Variants in SMC1B observed in about 807,000 individuals in gnomAD.
The protein encoded by SMC1B is structural maintenance of chromosomes 1B.
SMC1B carries 60 observed loss-of-function variants against 157.9 expected under a neutral mutation model. The ratio of observed to expected loss-of-function variants is 0.38; its 90% CI spans 0.31 to 0.47. SMC1B has a LOEUF of 0.47. SMC1B is among the 20% of genes least tolerant of loss of function. The probability of loss-of-function intolerance (pLI) is 0.99; values close to 1 mark genes in which losing one functional copy is unlikely to be tolerated. For missense variants in SMC1B, 1,165 were observed against 1,426.2 expected (o/e 0.82, Z 2.95); for synonymous variants, 445 against 483.0 (o/e 0.92, Z 1.03).
Position 45,370,006 on chromosome 22 carries a change from G to C in SMC1B, c.2368C>G (p.Arg790Gly). The C allele has an allele frequency of 3.1e-6, 5 of 1,595,734 alleles. No individual in the cohort carries two copies. Among genetic ancestry groups the C allele is most frequent in the Non-Finnish European group, 4.3e-6 (5 of 1,171,190 alleles). The change falls in exon 15 of 25, where the codon CGT becomes GGT. Residue 790 changes from arginine (R) to glycine (G), a missense_variant. Arg to Gly is a moderately radical substitution (Grantham distance 125). Coordinates refer to ENST00000357450, the MANE Select transcript of SMC1B (RefSeq NM_148674.5). Reference sequence around the variant, plus strand: ...TTAACATGTTTGTTCTCAAATTCACGAATATTTTCCACGCCAATTTCTTCA... The same window carrying C: ...TTAACATGTTTGTTCTCAAATTCACCAATATTTTCCACGCCAATTTCTTCA... ...FCEEIGVENI[R>G]EFENKHVKRQ...
In SMC1B at chr22:45,387,156, A is replaced by G. The variant is rs972059416; in HGVS notation, c.1732-110T>C. 111 of 968,976 alleles carry G rather than the reference A, an allele frequency of 1.1e-4. 1 individual carries two copies. The highest frequency in any genetic ancestry group is 1.3e-4 in the Non-Finnish European group (87 of 654,878). The allele number at this position is 968,976 out of a possible 1,614,324, so 60.0% of individuals were successfully genotyped here. A position where few individuals can be genotyped will look rare whatever the true frequency, so the allele number is the denominator to read the frequency against. On this transcript the variant is annotated intron_variant, in intron 10 of 24. Transcript: ENST00000357450. ...ATACGCATGGCAGCAAAAGATCAAC[A>G]GTATGTACCCAGCCAGGCGTGATGC...
chr22:45,361,936 G>C lies in SMC1B; in HGVS notation c.2611C>G (p.Gln871Glu). The stretch of plus-strand genomic sequence containing the variant: ...GTGACACGTATGTCCTTAAGTTGCT[G>C]CTGCTTTGCCATGAGTTCATTCACT... ...QTVNELMAKQ[Q>E]QLKDIRVTQN... The change falls in exon 17 of 25, where the codon CAG (glutamine) becomes GAG (glutamate). Residue 871 changes from glutamine to glutamate, a missense_variant. Physicochemically the swap from Gln to Glu is conservative, Grantham distance 29. Coordinates refer to ENST00000357450, the MANE Select transcript of SMC1B (RefSeq NM_148674.5). 1.9e-6 allele frequency: 3 copies of C among 1,614,086 alleles called. No individual in the cohort carries two copies. Among genetic ancestry groups the C allele is most frequent in the Non-Finnish European group, 2.5e-6 (3 of 1,179,978 alleles).
intron 22 of SMC1B, 105 bp downstream of exon 22, chr22:45,352,346 T>G: frequency 9.6e-7 from 1 of 1,047,086 alleles, no homozygotes; most frequent in Non-Finnish European, 1.3e-6. Context: ...GTTTTGTATC[T>G]CATTTGCTAA....
intron 12 of SMC1B, among the ~76,000 whole-genome samples, chr22:45,376,094 G>A (rs5765304): frequency 0.12 from 18,261 of 152,068 alleles, 1,267 homozygotes; most frequent in South Asian, 0.24. Flanking sequence ...AAGCATAGTC[G>A]TGAGAGCTTT....
Position 45,361,910 on chromosome 22 carries a change from A to T in SMC1B, c.2637T>A (p.Thr879=), listed in dbSNP as rs1230444203. 2 of 1,614,166 alleles carry T rather than the reference A, an allele frequency of 1.2e-6. No homozygotes were observed. Among genetic ancestry groups the T allele is most frequent in the Admixed American group, 3.3e-5 (2 of 60,020 alleles). Residue 879 remains threonine, a synonymous_variant, in exon 17 of 25, where the codon ACT becomes ACA. Transcript: ENST00000357450. ...GAACTTTCTCGGCACTGGAGTTCTG[A>T]GTGACACGTATGTCCTTAAGTTGCT... ...KQQQLKDIRV[T]QNSSAEKVQT... is the part of the protein sequence containing the mutation.
chr22:45,363,182 T>G (rs772058211), intron 15 of SMC1B, among the ~76,000 whole-genome samples, 156 bp from the exon 16 acceptor site: 1 of 152,192 alleles, frequency 6.6e-6, no homozygotes, highest in Non-Finnish European at 1.5e-5. Flanking sequence ...CAATTCATGG[T>G]CATTCTTGTT....
At chr22:45,408,033 C>T (rs368693963) in intron 2 of SMC1B, among the ~76,000 whole-genome samples, 62 of 152,252 alleles carry the variant, frequency 4.1e-4, no homozygotes, top group Middle Eastern at 3.4e-3. Context: ...AATATGCATA[C>T]AATTTGTTCA....
chr22:45,350,862 C>T (rs1602044753), intron 22 of SMC1B, among the ~76,000 whole-genome samples: 2 of 152,184 alleles, frequency 1.3e-5, no homozygotes, highest in African/African-American at 4.8e-5. Flanking sequence ...CAGTCACCAT[C>T]GCCGTCTTTC....
chr22:45,412,199 CTTATT>C (rs542894898), intron 1 of SMC1B, among the ~76,000 whole-genome samples: 1 of 143,770 alleles, frequency 7.0e-6, no homozygotes, highest in Non-Finnish European at 1.5e-5. Context: ...TTATATTTAT[CTTATT>C]TTATTTTATT....
intron 9 of SMC1B, among the ~76,000 whole-genome samples, chr22:45,391,082 G>A (rs1387064343): frequency 2.7e-5 from 4 of 146,364 alleles, no homozygotes; most frequent in African/African-American, 1.0e-4. Context: ...TTTTTTTAAA[G>A]AGATGAGGTC....
chr22:45,369,921 A>T, intron 15 of SMC1B, 33 bp downstream of exon 15: 1 of 1,133,414 alleles, frequency 8.8e-7, no homozygotes, highest in Non-Finnish European at 1.3e-6. Context: ...ATAAATATGT[A>T]AGCTCCTTAC....
At chr22:45,352,718 T>A in intron 21 of SMC1B, 116 bp from the exon 22 acceptor site, 1 of 940,482 alleles carries the variant, frequency 1.1e-6, no homozygotes, top group Non-Finnish European at 1.6e-6. Context: ...GATGGAAAAC[T>A]ACCAATGCCT....
intron 14 of SMC1B, among the ~76,000 whole-genome samples, chr22:45,371,154 A>G (rs921286071): frequency 9.9e-5 from 15 of 152,232 alleles, no homozygotes; most frequent in Non-Finnish European, 2.9e-5. Flanking sequence ...GATAAGCTGA[A>G]TGACAGTTCT....
At chr22:45,375,857 T>C (rs1316083454) in intron 12 of SMC1B, among the ~76,000 whole-genome samples, 1 of 152,176 alleles carries the variant, frequency 6.6e-6, no homozygotes, top group Non-Finnish European at 1.5e-5. Context: ...TATATATTTA[T>C]ACTCATAAGG....
chr22:45,353,028 T>A (rs1168697007), intron 21 of SMC1B, among the ~76,000 whole-genome samples: 1 of 152,138 alleles, frequency 6.6e-6, no homozygotes, highest in Admixed American at 6.5e-5. Context: ...CCCAGCACGT[T>A]GGGAGGCCGA....
chr22:45,409,817 T>C (rs188998878), intron 1 of SMC1B, among the ~76,000 whole-genome samples: 1 of 152,324 alleles, frequency 6.6e-6, no homozygotes, highest in Admixed American at 6.5e-5. Context: ...TGGCTCACAG[T>C]GCCTAAACTA....
chr22:45,361,918 G>GT lies in SMC1B; in HGVS notation c.2628dup (p.Arg877ThrfsTer16). 6.2e-7 allele frequency: 1 copy of GT among 1,614,034 alleles called. No homozygotes were observed. Among genetic ancestry groups the GT allele is most frequent in the Non-Finnish European group, 8.5e-7 (1 of 1,179,940 alleles). ...TCGGCACTGGAGTTCTGAGTGACAC[G>GT]TATGTCCTTAAGTTGCTGCTGCTTT... On this transcript the variant is annotated frameshift_variant, in exon 17 of 25. Transcript: ENST00000357450. LOFTEE classifies it high-confidence loss of function.
Position 45,359,959 on chromosome 22 carries a change from C to A in SMC1B, c.2709-1G>T. On this transcript the variant is annotated splice_acceptor_variant, in intron 17 of 24. Coordinates refer to ENST00000357450, the MANE Select transcript of SMC1B (RefSeq NM_148674.5). LOFTEE classifies it high-confidence loss of function. Reference sequence around the variant, plus strand: ...TTCTTTTTGCAATTTCCCCACTTCCCTGTAATTACACAGATATGAAAAAGT... The same window carrying A: ...TTCTTTTTGCAATTTCCCCACTTCCATGTAATTACACAGATATGAAAAAGT... 6.2e-7 allele frequency: 1 copy of A among 1,612,436 alleles called. No homozygotes were observed. Among genetic ancestry groups the A allele is most frequent in the Non-Finnish European group, 8.5e-7 (1 of 1,178,788 alleles).
At chr22:45,401,363 G>T (rs982640186) in intron 5 of SMC1B, among the ~76,000 whole-genome samples, 1 of 152,214 alleles carries the variant, frequency 6.6e-6, no homozygotes, top group African/African-American at 2.4e-5. Context: ...ACATAAGCAA[G>T]CTGGAAGCTT....
Sources: allele counts gnomAD v4.1 joint callset (sites outside exome capture counted in the v4.1 genomes callset), GRCh38; gene constraint gnomAD v4.1.1; transcripts MANE v1.5; gene names NCBI Gene and HGNC (gene_info 2026-07-23, HGNC 2026-07-21).